Variants in RIMKLB observed in about 807,000 individuals in gnomAD.
RIMKLB encodes the protein ribosomal modification protein rimK like family member B.
RIMKLB carries 7 observed loss-of-function variants against 32.0 expected under a neutral mutation model. The observed-to-expected ratio is 0.22, with a 90% CI of 0.12 to 0.41. RIMKLB has a LOEUF of 0.41. Among genes scored for constraint, RIMKLB ranks in the 10% least tolerant of loss-of-function variants. The probability of loss-of-function intolerance (pLI) is 1.00; values close to 1 mark genes in which losing one functional copy is unlikely to be tolerated. For synonymous variants in RIMKLB, 172 were observed against 185.1 expected, an observed-to-expected ratio of 0.93 and a Z score of 0.57; for missense variants, 289 against 498.7, an observed-to-expected ratio of 0.58 and a Z score of 4.00.
In RIMKLB at chr12:8,752,608, A is replaced by G. The variant is rs1327800224; in HGVS notation, c.493+565A>G. Among the ~76,000 whole-genome samples the G allele has an allele frequency of 2.6e-5, 4 of 152,248 alleles. No homozygotes were observed. In the East Asian group the frequency reaches 7.7e-4, roughly 29 times the overall value. On this transcript the variant is annotated intron_variant, in intron 4 of 5. Coordinates refer to ENST00000535829, the MANE Select transcript of RIMKLB (RefSeq NM_001297776.2). ...TCACTAACTCCAGTCATTGCCCTCT[A>G]AAGATATATAGTTTGAAGACTTAAA...
At chr12:8,718,586 T>G (rs1945087169) in intron 2 of RIMKLB, among the ~76,000 whole-genome samples, 1 of 151,814 alleles carries the variant, frequency 6.6e-6, no homozygotes, top group South Asian at 2.1e-4. Context: ...GAGGTTGCAG[T>G]GAGCTGAGAT....
At chr12:8,708,668 A>G (rs1944107801) in intron 1 of RIMKLB, among the ~76,000 whole-genome samples, 1 of 151,762 alleles carries the variant, frequency 6.6e-6, no homozygotes, top group Non-Finnish European at 1.5e-5. Context: ...TGGGAGAAAC[A>G]AAGTGGTACT....
At chr12:8,728,163 G>A (rs1404593511) in intron 2 of RIMKLB, among the ~76,000 whole-genome samples, 1 of 152,072 alleles carries the variant, frequency 6.6e-6, no homozygotes, top group Non-Finnish European at 1.5e-5. Context: ...TACTATTTTT[G>A]TGGAAGTCTT....
At chr12:8,742,431 T>C (rs117125002) in intron 2 of RIMKLB, 6,193 of 325,072 alleles carry the variant, frequency 0.019, 94 homozygotes, top group Non-Finnish European at 0.027. Flanking sequence ...TTTCATGGTG[T>C]CTGGAACCTT....
chr12:8,740,158 G>C (rs758882628), intron 2 of RIMKLB, among the ~76,000 whole-genome samples: 2 of 152,092 alleles, frequency 1.3e-5, no homozygotes, highest in Non-Finnish European at 2.9e-5. Flanking sequence ...TGCCTGCCTC[G>C]TCCTCCCAAA....
At chr12:8,750,810 G>C (rs1215657198) in intron 3 of RIMKLB, among the ~76,000 whole-genome samples, 1 of 152,102 alleles carries the variant, frequency 6.6e-6, no homozygotes, top group Admixed American at 6.6e-5. Flanking sequence ...ATTCTGAGTA[G>C]CACTGCTTTA....
At chr12:8,777,336 CTGT>C (rs745640394), downstream of RIMKLB, 7 of 989,070 alleles carry the variant, frequency 7.1e-6, no homozygotes, top group Non-Finnish European at 8.4e-6. Context: ...CAGAAATCTG[CTGT>C]TGGAATCTTC....
At chr12:8,767,944 C>A (rs771613956) in intron 5 of RIMKLB, among the ~76,000 whole-genome samples, 4 of 152,108 alleles carry the variant, frequency 2.6e-5, no homozygotes, top group Non-Finnish European at 5.9e-5. Context: ...CTTTGGAGGT[C>A]CCTTCGTGGT....
chr12:8,756,973 C>G (rs957807412), intron 5 of RIMKLB, among the ~76,000 whole-genome samples: 3 of 152,036 alleles, frequency 2.0e-5, no homozygotes, highest in Non-Finnish European at 4.4e-5. Context: ...TGTGAGCCAC[C>G]GTGCCCAGCC....
chr12:8,750,635 T>C (rs1565614243), intron 3 of RIMKLB, among the ~76,000 whole-genome samples: 2 of 152,282 alleles, frequency 1.3e-5, no homozygotes, highest in South Asian at 2.1e-4. Flanking sequence ...GTTTTTTTTT[T>C]TAAAAGATCA....
intron 2 of RIMKLB, among the ~76,000 whole-genome samples, chr12:8,740,869 T>C (rs905167719): frequency 6.6e-6 from 1 of 152,028 alleles, no homozygotes; most frequent in Non-Finnish European, 1.5e-5. Flanking sequence ...GGTCAGGAGT[T>C]CAAGACCAGC....
chr12:8,737,023 G>A (rs1191401464), intron 2 of RIMKLB, among the ~76,000 whole-genome samples: 4 of 152,082 alleles, frequency 2.6e-5, no homozygotes, highest in African/African-American at 9.7e-5. Context: ...ATGTTGGCCA[G>A]GCTGGTCTTG....
At position 8,776,660 on chromosome 12, in the gene RIMKLB, A is replaced by C. The variant is rs769597607; in HGVS notation, c.*2876A>C. On this transcript the variant is annotated 3_prime_UTR_variant, in exon 6 of 6. Coordinates refer to ENST00000535829, the MANE Select transcript of RIMKLB (RefSeq NM_001297776.2). ...ATACAAGTATGAACTATTCTATTTA[A>C]AATTTTTAATAGTTTTTTTCTTTTT... 1 of 964,738 alleles carries C rather than the reference A, an allele frequency of 1.0e-6. No individual in the cohort carries two copies. Among genetic ancestry groups the C allele is most frequent in the East Asian group, 1.1e-4 (1 of 8,734 alleles). 59.8% of individuals were successfully genotyped at this position (964,738 alleles called of 1,614,324 possible).
chr12:8,760,019 G>A (rs113093501), intron 5 of RIMKLB, among the ~76,000 whole-genome samples: 5,028 of 152,078 alleles, frequency 0.033, 276 homozygotes, highest in African/African-American at 0.11. Flanking sequence ...ATATGCATAC[G>A]TGTGCCATGT....
At chr12:8,747,324 C>T (rs759819307) in intron 2 of RIMKLB, among the ~76,000 whole-genome samples, 77 of 152,236 alleles carry the variant, frequency 5.1e-4, no homozygotes, top group South Asian at 4.8e-3. Context: ...CAGAGAGACA[C>T]GCATATTGTT....
At chr12:8,694,799 T>C (rs1942837795), upstream of RIMKLB, among the ~76,000 whole-genome samples, 1 of 152,240 alleles carries the variant, frequency 6.6e-6, no homozygotes. Flanking sequence ...ATTACTTACC[T>C]ATAGAGTTGG....
At chr12:8,726,671 T>C (rs1946040112) in intron 2 of RIMKLB, among the ~76,000 whole-genome samples, 1 of 152,020 alleles carries the variant, frequency 6.6e-6, no homozygotes, top group Non-Finnish European at 1.5e-5. Flanking sequence ...TTTTTTTTCA[T>C]TTTATTTACT....
chr12:8,773,289 T>C (rs770748830), intron 5 of RIMKLB, 32 bp from the exon 6 acceptor site: 2 of 1,454,956 alleles, frequency 1.4e-6, no homozygotes, highest in Admixed American at 3.6e-5. Context: ...GTTTATGATT[T>C]TGTTAATTTC....
chr12:8,734,851 G>A (rs1055555863), intron 2 of RIMKLB, among the ~76,000 whole-genome samples: 1 of 152,116 alleles, frequency 6.6e-6, no homozygotes, highest in African/African-American at 2.4e-5. Flanking sequence ...AGTAATAAAT[G>A]CCAAGAGGCA....
Sources: gnomAD v4.1 joint callset for allele counts (sites outside exome capture counted in the v4.1 genomes callset) on GRCh38, gnomAD v4.1.1 for gene constraint, MANE v1.5 for transcripts, NCBI Gene and HGNC (gene_info 2026-07-23, HGNC 2026-07-21) for gene names.